The following FAM3A variants were observed in gnomAD, a reference collection of about 807,000 sequenced individuals.
FAM3A encodes FAM3 metabolism regulating signaling molecule A.
Under a neutral mutation model 18.1 loss-of-function variants are expected in FAM3A, and 5 were observed. That is an observed-to-expected ratio of 0.28 (90% CI 0.14 to 0.58). The LOEUF (loss-of-function observed/expected upper bound fraction) is 0.58. Among genes scored for constraint, FAM3A ranks in the 20% least tolerant of loss-of-function variants. FAM3A has a pLI of 0.91. For missense variants in FAM3A, 154 were observed against 216.6 expected (o/e 0.71, Z 1.81); for synonymous variants, 108 against 90.2 (o/e 1.20, Z -1.12).
At chrX:154,515,600 T>C (rs782819068) in intron 1 of FAM3A, among the ~76,000 whole-genome samples, 160 bp downstream of exon 1, 3 of 112,419 alleles carry the variant, frequency 2.7e-5, no homozygotes, top group Admixed American at 1.9e-4. Flanking sequence ...GTGAAAGGAT[T>C]TGGTTAAGGT....
Position 154,506,618 on chromosome X carries a change from T to TA in FAM3A, c.*192dup, listed in dbSNP as rs1167260472. 1 of 434,344 alleles carries TA rather than the reference T, an allele frequency of 2.3e-6. No individual in the cohort carries two copies. Among genetic ancestry groups the TA allele is most frequent in the Non-Finnish European group, 4.0e-6 (1 of 248,472 alleles). The allele number at this position is 434,344 out of a possible 1,213,427, so 35.8% of individuals were successfully genotyped here. On this transcript the variant is annotated 3_prime_UTR_variant, in exon 9 of 9. Transcript: ENST00000447601. ...CTCCCGTGACAAAGTGCGGCAGGGC[T>TA]ACCCCCTGCAGCCCCCATAGCCCCC...
At position 154,508,363 on chromosome X, in the gene FAM3A, TG is replaced by T. The variant is rs1360851961; in HGVS notation, c.276-17del. On this transcript the variant is annotated splice_polypyrimidine_tract_variant and intron_variant, in intron 4 of 8. Coordinates refer to ENST00000447601, the MANE Select transcript of FAM3A (RefSeq NM_021806.4). The stretch of plus-strand genomic sequence containing the variant: ...GCTCATCAGCCTAGTTGGGGGGGGG[TG>T]GGGGGGACGGGGAGATCCCACATGG... The T allele has an allele frequency of 6.2e-5, 13 of 211,305 alleles. No individual in the cohort carries two copies. Among genetic ancestry groups the T allele is most frequent in the African/African-American group, 1.0e-4 (1 of 9,945 alleles). 17.4% of individuals were successfully genotyped at this position (211,305 alleles called of 1,213,427 possible). A position where few individuals can be genotyped will look rare whatever the true frequency, so the allele number is the denominator to read the frequency against.
At chrX:154,507,116 G>C (rs1175446406) in intron 8 of FAM3A, 87 bp downstream of exon 8, 1 of 1,100,767 alleles carries the variant, frequency 9.1e-7, no homozygotes, top group African/African-American at 1.8e-5. Flanking sequence ...CCCTGCTGGG[G>C]CGTGAGCAGC....
In FAM3A at chrX:154,507,001, T is replaced by C. The variant is rs1462544494; in HGVS notation, c.598-95A>G. 28 of 921,393 alleles carry C rather than the reference T, an allele frequency of 3.0e-5. No individual in the cohort carries two copies. In the Admixed American group the frequency reaches 5.2e-4, roughly 17 times the overall value. The allele number at this position is 921,393 out of a possible 1,213,427, so 75.9% of individuals were successfully genotyped here. A position where few individuals can be genotyped will look rare whatever the true frequency, so the allele number is the denominator to read the frequency against. On this transcript the variant is annotated intron_variant, in intron 8 of 8. Coordinates refer to ENST00000447601, the MANE Select transcript of FAM3A (RefSeq NM_021806.4). ...CAGGCTGTCAGTCAACTGTGCTGTG[T>C]TGGCCAACGGTGTACTCTCAGGGCA...
intron 1 of FAM3A, among the ~76,000 whole-genome samples, chrX:154,514,330 G>A (rs1158269995): frequency 1.8e-5 from 2 of 111,175 alleles, no homozygotes; most frequent in Non-Finnish European, 3.8e-5. Context: ...TGCAACCTCC[G>A]CCTCCTGGGT....
Position 154,512,878 on chromosome X carries a change from G to T in FAM3A, c.72C>A (p.Ser24Arg), listed in dbSNP as rs782487249. ...VSVGVTWIVV[S>R]ILLGGPGSGF... ...CACTGCCAGGCCCACCCAGGAGGAT[G>T]CTGACCACGATCCATGTGACACCCA... is the stretch of plus-strand genomic sequence containing the variant. The change falls in exon 2 of 9, where the codon AGC becomes AGA. Residue 24 changes from serine (S) to arginine (R), a missense_variant. Physicochemically the swap from Ser to Arg is moderately radical, Grantham distance 110. Around this residue, in one of 3 missense-constraint regions of FAM3A, gnomAD observed 112 missense variants for 160.0 expected, o/e 0.70. Transcript: ENST00000447601. 2.5e-6 allele frequency: 3 copies of T among 1,211,444 alleles called. No homozygotes were observed. In the South Asian group the frequency reaches 5.3e-5, roughly 21 times the overall value.
chrX:154,506,942 C>T (rs782759909), intron 8 of FAM3A, 36 bp from the exon 9 acceptor site: 3 of 1,132,762 alleles, frequency 2.6e-6, no homozygotes, highest in Non-Finnish European at 3.6e-6. Context: ...TGACTTTGGC[C>T]CTCAGGGACA....
chrX:154,507,453 G>A lies in FAM3A; in HGVS notation c.423C>T (p.His141=), dbSNP rs782128946. 3.4e-5 allele frequency: 41 copies of A among 1,209,661 alleles called. No homozygotes were observed. Among genetic ancestry groups the A allele is most frequent in the African/African-American group, 1.4e-4 (8 of 57,272 alleles). The change falls in exon 7 of 9, where the codon CAC becomes CAT. Residue 141 remains histidine, a synonymous_variant. Transcript: ENST00000447601. ...ATGCCACGAACACCAGGGTGCCTTC[G>A]TGCAGTGGCCGAATAAACTTCAACA... ...NDLLKFIRPL[H]EGTLVFVASY... is the part of the protein sequence containing the mutation.
At chrX:154,508,105 T>C (rs1557220236) in intron 5 of FAM3A, among the ~76,000 whole-genome samples, 184 bp downstream of exon 5, 1 of 112,719 alleles carries the variant, frequency 8.9e-6, no homozygotes, top group East Asian at 2.8e-4. Flanking sequence ...TAGTTCTTTA[T>C]TGCCATCATG....
chrX:154,507,090 TG>T, intron 8 of FAM3A, 112 bp downstream of exon 8: 1 of 1,039,870 alleles, frequency 9.6e-7, no homozygotes, highest in Non-Finnish European at 1.3e-6. Flanking sequence ...CCCTCATAGC[TG>T]GACTGGGGAC....
intron 2 of FAM3A, chrX:154,512,251 TAATAATAATAATAATAAG>T (rs1436391456): frequency 1.5e-4 from 21 of 136,974 alleles, no homozygotes; most frequent in African/African-American, 1.1e-3. Flanking sequence ...ATAATAATAA[TAATAATAATAATAATAAG>T]AAGAAGAAGA....
intron 1 of FAM3A, among the ~76,000 whole-genome samples, chrX:154,515,392 G>A (rs2070143403): frequency 9.0e-6 from 1 of 111,142 alleles, no homozygotes; most frequent in Admixed American, 9.6e-5. Context: ...GTGACAGTAG[G>A]GCTGTCATCG....
At chrX:154,509,055 G>A (rs782495847) in intron 3 of FAM3A, 18 of 250,240 alleles carry the variant, frequency 7.2e-5, no homozygotes, top group South Asian at 7.1e-4. Flanking sequence ...GTCCCCTCAA[G>A]GTATGCTGAA....
In FAM3A at chrX:154,515,834, G is replaced by A. The variant is rs193022140; in HGVS notation, c.-62C>T. 100 of 1,177,817 alleles carry A rather than the reference G, an allele frequency of 8.5e-5. 2 individuals are homozygous for A. In the Admixed American group the frequency reaches 1.4e-3, roughly 17 times the overall value. ...TGCACTGTTTGGGGGCAAAGCGGAA[G>A]GACAGGTTTGGGTGGGGGTCAGGGG... On this transcript the variant is annotated 5_prime_UTR_variant, in exon 1 of 9. Coordinates refer to ENST00000447601, the MANE Select transcript of FAM3A (RefSeq NM_021806.4).
rs781823630 is a variant in FAM3A at position 154,506,230 on chromosome X, G to A, written c.*581C>T. ...TAGAAGGTGGGCCCCCTGACAAACC[G>A]CGGGACTGTGATCGGGCTCCAGCTA... On this transcript the variant is annotated 3_prime_UTR_variant, in exon 9 of 9. Transcript: ENST00000447601. 5.3e-4 allele frequency: 61 copies of A among 114,707 alleles called. No homozygotes were observed. In the South Asian group the frequency reaches 0.013, roughly 25 times the overall value. 9.5% of individuals were successfully genotyped at this position (114,707 alleles called of 1,213,427 possible). A position where few individuals can be genotyped will look rare whatever the true frequency, so the allele number is the denominator to read the frequency against.
chrX:154,508,776 G>C, intron 3 of FAM3A, 179 bp from the exon 4 acceptor site: 1 of 564,968 alleles, frequency 1.8e-6, no homozygotes. Context: ...CTACTGGTGA[G>C]GCCACAGGGA....
rs782019548 is a variant in FAM3A at position 154,511,968 on chromosome X, A to C, written c.128-97T>G. On this transcript the variant is annotated intron_variant, in intron 2 of 8. Transcript: ENST00000447601. ...TACACCGCGAAGTGTAGACACAGGC[A>C]GTCAGGCTCAGGGGCCGGGGGCTAA... 18 of 798,530 alleles carry C rather than the reference A, an allele frequency of 2.3e-5. No individual in the cohort carries two copies. The East Asian group carries it at 5.3e-4, about 23-fold the overall frequency. 65.8% of individuals were successfully genotyped at this position (798,530 alleles called of 1,213,427 possible).
At chrX:154,507,050 G>C (rs1225606890) in intron 8 of FAM3A, 144 bp from the exon 9 acceptor site, 13 of 929,166 alleles carry the variant, frequency 1.4e-5, no homozygotes, top group Non-Finnish European at 1.9e-5. Context: ...CCCATCCCAG[G>C]GAAACATGGC....
chrX:154,506,585 A>G lies in FAM3A; in HGVS notation c.*226T>C, dbSNP rs2069533330. ...ACAGTGTTACGAAAAGGAGGCGGGT[A>G]CCCTGGGCTCCCGTGACAAAGTGCG... is the stretch of plus-strand genomic sequence containing the variant. On this transcript the variant is annotated 3_prime_UTR_variant, in exon 9 of 9. Transcript: ENST00000447601. The G allele has an allele frequency of 9.6e-6, 4 of 416,520 alleles. No individual in the cohort carries two copies. Among genetic ancestry groups the G allele is most frequent in the Non-Finnish European group, 1.7e-5 (4 of 236,970 alleles). The allele number at this position is 416,520 out of a possible 1,213,427, so 34.3% of individuals were successfully genotyped here.
Sources: allele counts gnomAD v4.1 joint callset (sites outside exome capture counted in the v4.1 genomes callset), GRCh38; gene constraint gnomAD v4.1.1; regional missense constraint gnomAD v4.1.1; transcripts MANE v1.5; gene names NCBI Gene and HGNC (gene_info 2026-07-23, HGNC 2026-07-21).